The following PAMR1 variants were observed in gnomAD, a reference collection of about 807,000 sequenced individuals.
The protein encoded by PAMR1 is peptidase domain containing associated with muscle regeneration 1, also known as inactive serine protease PAMR1.
In PAMR1, 88 loss-of-function variants were observed where a neutral mutation model predicts 81.8. That is an observed-to-expected ratio of 1.08 (90% CI 0.91 to 1.28). The LOEUF (loss-of-function observed/expected upper bound fraction) is 1.28, where lower values mean the gene tolerates loss of function less well. Among genes scored for constraint, PAMR1 ranks in the 50% most tolerant of loss-of-function variants. PAMR1 has a pLI of 0.00. For missense variants in PAMR1, 935 were observed against 919.7 expected (o/e 1.02, Z -0.21); for synonymous variants, 336 against 345.3 (o/e 0.97, Z 0.30).
At chr11:35,505,108 C>T (rs1850926708) in intron 1 of PAMR1, among the ~76,000 whole-genome samples, 1 of 152,020 alleles carries the variant, frequency 6.6e-6, no homozygotes. Context: ...TCTTTATTGA[C>T]CCATTTGTCA....
chr11:35,500,710 G>A (rs1188388701), intron 1 of PAMR1, among the ~76,000 whole-genome samples: 4 of 152,186 alleles, frequency 2.6e-5, no homozygotes, highest in Admixed American at 6.5e-5. Context: ...CAATTTCATC[G>A]TTGTGTGAAC....
intron 3 of PAMR1, among the ~76,000 whole-genome samples, chr11:35,480,369 T>C (rs1159044678): frequency 1.3e-5 from 2 of 152,194 alleles, no homozygotes; most frequent in Admixed American, 6.5e-5. Context: ...CACATGGAAA[T>C]AGCCCTGCTA....
At chr11:35,509,793 C>A (rs1352185628) in intron 1 of PAMR1, among the ~76,000 whole-genome samples, 1 of 152,128 alleles carries the variant, frequency 6.6e-6, no homozygotes, top group Non-Finnish European at 1.5e-5. Context: ...GGGCAGTGAA[C>A]AAGCCTCCTA....
chr11:35,511,519 T>C (rs1019914732), intron 1 of PAMR1, among the ~76,000 whole-genome samples: 4 of 152,220 alleles, frequency 2.6e-5, no homozygotes, highest in Admixed American at 6.5e-5. Context: ...GACACTTTTG[T>C]CATGTGCCTG....
intron 6 of PAMR1, among the ~76,000 whole-genome samples, chr11:35,458,824 A>G (rs1182487633): frequency 2.0e-5 from 3 of 152,252 alleles, no homozygotes; most frequent in Non-Finnish European, 4.4e-5. Flanking sequence ...CAGCTCTTAC[A>G]GACAGCATCA....
chr11:35,459,260 G>C (rs1421594919), intron 6 of PAMR1, among the ~76,000 whole-genome samples: 2 of 152,214 alleles, frequency 1.3e-5, no homozygotes, highest in African/African-American at 4.8e-5. Flanking sequence ...AGCTGAAACT[G>C]CCTGTGCCTA....
At chr11:35,517,070 C>G (rs1026816232) in intron 1 of PAMR1, among the ~76,000 whole-genome samples, 1 of 152,158 alleles carries the variant, frequency 6.6e-6, no homozygotes, top group African/African-American at 2.4e-5. Flanking sequence ...CATGATACAT[C>G]TAGCTGAGAA....
chr11:35,434,592 T>G lies in PAMR1; in HGVS notation c.1546A>C (p.Lys516Gln), dbSNP rs888806059. ...AAAACAACTTTCAGGTCTGCTGTCT[T>G]GATCATGGTGACCTTCCCCAGGTCA... ...VTDLGKVTMI[K>Q]TADLKVVLGK... Residue 516 changes from lysine to glutamine, a missense_variant, in exon 10 of 11, where the codon AAG becomes CAG. By Grantham distance (53) the Lys-to-Gln change is moderately conservative (BLOSUM62 1). Coordinates refer to ENST00000619888, the MANE Select transcript of PAMR1 (RefSeq NM_001001991.3). The G allele has an allele frequency of 6.2e-7, 1 of 1,613,974 alleles. No homozygotes were observed. Among genetic ancestry groups the G allele is most frequent in the African/African-American group, 1.3e-5 (1 of 74,878 alleles).
Position 35,434,756 on chromosome 11 carries a change from C to T in PAMR1, c.1382G>A (p.Arg461His), listed in dbSNP as rs372889720. 2.2e-5 allele frequency: 35 copies of T among 1,614,020 alleles called. No individual in the cohort carries two copies. The African/African-American group carries it at 2.7e-4, about 12-fold the overall frequency. Residue 461 changes from arginine (R) to histidine (H), a missense_variant, in exon 10 of 11, where the codon CGC (arginine) becomes CAC (histidine). By Grantham distance (29) the Arg-to-His change is conservative. Coordinates refer to ENST00000619888, the MANE Select transcript of PAMR1 (RefSeq NM_001001991.3). ...NITAPKTQGL[R>H]WPWQAAIYRR... The stretch of plus-strand genomic sequence containing the variant: ...GTAGATGGCTGCCTGCCACGGCCAG[C>T]GCAACCCTTGGGTCTTTGGAGCAGT...
intron 10 of PAMR1, among the ~76,000 whole-genome samples, chr11:35,433,699 G>C (rs1460748624): frequency 6.6e-6 from 1 of 152,186 alleles, no homozygotes; most frequent in East Asian, 1.9e-4. Flanking sequence ...CTTAACAATA[G>C]ATGGACAGGT....
chr11:35,498,994 A>G (rs1850779565), intron 1 of PAMR1, among the ~76,000 whole-genome samples: 1 of 152,190 alleles, frequency 6.6e-6, no homozygotes, highest in African/African-American at 2.4e-5. Flanking sequence ...TTACATGCCC[A>G]TAAGCTAACA....
intron 6 of PAMR1, among the ~76,000 whole-genome samples, chr11:35,454,437 C>G (rs1856482689): frequency 6.6e-6 from 1 of 152,154 alleles, no homozygotes; most frequent in South Asian, 2.1e-4. Flanking sequence ...CCCATGAGAT[C>G]AGGTTGAGTC....
chr11:35,435,933 A>G lies in PAMR1; in HGVS notation c.1303T>C (p.Trp435Arg). Residue 435 changes from tryptophan to arginine, a missense_variant, in exon 9 of 11, where the codon TGG (tryptophan) becomes CGG (arginine). Physicochemically the swap from Trp to Arg is moderately radical, Grantham distance 101 (BLOSUM62 -3). Coordinates refer to ENST00000619888, the MANE Select transcript of PAMR1 (RefSeq NM_001001991.3). ...ATGCAGGATGGTGCCCGCCCACTCC[A>G]CTTCCCAGTCCTCAGACATGTCCTC... ...SRRTCLRTGK[W>R]SGRAPSCIPI... is the part of the protein sequence containing the mutation. 1.9e-6 allele frequency: 3 copies of G among 1,614,148 alleles called. No individual in the cohort carries two copies. Among genetic ancestry groups the G allele is most frequent in the Non-Finnish European group, 2.5e-6 (3 of 1,180,014 alleles).
intron 6 of PAMR1, among the ~76,000 whole-genome samples, chr11:35,455,308 AAAATCAATAATATT>A (rs1297109390): frequency 6.6e-6 from 1 of 152,010 alleles, no homozygotes; most frequent in African/African-American, 2.4e-5. Flanking sequence ...GCCCTCCAGT[AAAATCAATAATATT>A]AAATGTGTGA....
chr11:35,459,848 T>C (rs1856614037), intron 6 of PAMR1, among the ~76,000 whole-genome samples: 2 of 152,212 alleles, frequency 1.3e-5, no homozygotes, highest in South Asian at 4.1e-4. Context: ...AAATATATAC[T>C]GGATAGCCCT....
At position 35,491,936 on chromosome 11, in the gene PAMR1, T is replaced by C; in HGVS notation, c.379+109A>G. 6 of 987,722 alleles carry C rather than the reference T, an allele frequency of 6.1e-6. No homozygotes were observed. The South Asian group carries it at 1.3e-4, about 21-fold the overall frequency. 61.2% of individuals were successfully genotyped at this position (987,722 alleles called of 1,614,324 possible). Reference sequence around the variant, plus strand: ...AGTTTTACCTAGAAAGCCCTCTGGCTGCAGGCTTTCCAAAACTCAGATTCC... The same window carrying C: ...AGTTTTACCTAGAAAGCCCTCTGGCCGCAGGCTTTCCAAAACTCAGATTCC... On this transcript the variant is annotated intron_variant, in intron 3 of 10. Coordinates refer to ENST00000619888, the MANE Select transcript of PAMR1 (RefSeq NM_001001991.3).
At chr11:35,464,241 T>C (rs1215844651) in intron 6 of PAMR1, among the ~76,000 whole-genome samples, 2 of 152,244 alleles carry the variant, frequency 1.3e-5, no homozygotes, top group Non-Finnish European at 2.9e-5. Context: ...AGGACTTGGA[T>C]GAATATATAA....
chr11:35,503,520 T>C (rs1403462451), intron 1 of PAMR1, among the ~76,000 whole-genome samples: 1 of 152,170 alleles, frequency 6.6e-6, no homozygotes, highest in Non-Finnish European at 1.5e-5. Flanking sequence ...GCAATATCTT[T>C]CCATTTTTTG....
chr11:35,464,427 A>G (rs781526016), intron 6 of PAMR1, among the ~76,000 whole-genome samples: 2 of 152,238 alleles, frequency 1.3e-5, no homozygotes, highest in Non-Finnish European at 2.9e-5. Context: ...CAACCTTGGC[A>G]CTACTGATCT....
Sources: allele counts gnomAD v4.1 joint callset (sites outside exome capture counted in the v4.1 genomes callset), GRCh38; gene constraint gnomAD v4.1.1; transcripts MANE v1.5; gene names NCBI Gene and HGNC (gene_info 2026-07-23, HGNC 2026-07-21).